TRPV3: variants seen among roughly 807,000 people sequenced by gnomAD.
TRPV3 encodes the protein VRL-3.
TRPV3 carries 88 observed loss-of-function variants against 87.1 expected under a neutral mutation model. The observed-to-expected ratio is 1.01, with a 90% CI of 0.85 to 1.21. The LOEUF is 1.21. Ranked by LOEUF, TRPV3 falls within the 50% of genes most tolerant of loss-of-function variation. The pLI is 0.00. For missense variants in TRPV3, 1,054 were observed against 1,030.1 expected, an observed-to-expected ratio of 1.02 and a Z score of -0.32; for synonymous variants, 438 against 423.3, an observed-to-expected ratio of 1.03 and a Z score of -0.43.
intron 11 of TRPV3, among the ~76,000 whole-genome samples, chr17:3,527,429 T>C (rs1044241951): frequency 6.6e-6 from 1 of 152,204 alleles, no homozygotes; most frequent in Non-Finnish European, 1.5e-5. Context: ...TTAGGGTCTT[T>C]TTCGGTCTAT....
Position 3,535,688 on chromosome 17 carries a change from G to A in TRPV3, c.669C>T (p.Ile223=). 1 of 1,581,062 alleles carries A rather than the reference G, an allele frequency of 6.3e-7. No homozygotes were observed. The highest frequency in any genetic ancestry group is 1.4e-5 in the African/African-American group (1 of 73,382). ...CTGCGATGTCCCCCTGCCGCCGCTC[G>A]ATGGCGATGTTCAGCGCCGTCTGCC... The part of the protein sequence containing the change: ...YEGQTALNIA[I]ERRQGDIAAL... Residue 223 remains isoleucine (I), a synonymous_variant, in exon 7 of 18, where the codon ATC becomes ATT. Transcript: ENST00000576742.
At chr17:3,527,562 T>C in intron 11 of TRPV3, 1 of 229,076 alleles carries the variant, frequency 4.4e-6, no homozygotes, top group South Asian at 5.7e-5. Flanking sequence ...GGTGCTCAGA[T>C]TATATGTGTT....
intron 2 of TRPV3, among the ~76,000 whole-genome samples, chr17:3,550,233 C>T (rs2150806795): frequency 6.6e-6 from 1 of 152,244 alleles, no homozygotes; most frequent in African/African-American, 2.4e-5. Context: ...AAGCCTCATC[C>T]CCTTCCCAAT....
chr17:3,547,423 C>T (rs559996481), intron 2 of TRPV3, among the ~76,000 whole-genome samples: 2 of 152,208 alleles, frequency 1.3e-5, no homozygotes, highest in South Asian at 2.1e-4. Context: ...GAGTTTGAGA[C>T]CAGCCTCGCC....
chr17:3,523,875 G>A (rs2074269066), intron 13 of TRPV3, among the ~76,000 whole-genome samples: 1 of 150,210 alleles, frequency 6.7e-6, no homozygotes, highest in Admixed American at 6.6e-5. Flanking sequence ...TATATATATG[G>A]AATATACATA....
At chr17:3,548,595 G>T (rs1056050928) in intron 2 of TRPV3, among the ~76,000 whole-genome samples, 1 of 152,198 alleles carries the variant, frequency 6.6e-6, no homozygotes, top group Admixed American at 6.5e-5. Flanking sequence ...AACCTAGAAG[G>T]CTCAGCGCTA....
At chr17:3,524,821 A>G (rs58256197) in intron 12 of TRPV3, among the ~76,000 whole-genome samples, 9,085 of 151,192 alleles carry the variant, frequency 0.06, 937 homozygotes, top group African/African-American at 0.21. Flanking sequence ...AAAAAAAAAA[A>G]AAAAGAAAAG....
At chr17:3,525,155 G>A (rs1418685738) in intron 12 of TRPV3, among the ~76,000 whole-genome samples, 5 of 150,556 alleles carry the variant, frequency 3.3e-5, no homozygotes, top group East Asian at 4.1e-4. Context: ...TAGTAGCTGG[G>A]ATTACAGGCA....
chr17:3,538,877 G>A (rs893547280), intron 6 of TRPV3, among the ~76,000 whole-genome samples: 2 of 152,186 alleles, frequency 1.3e-5, no homozygotes, highest in Non-Finnish European at 2.9e-5. Flanking sequence ...GAGCCACTGC[G>A]CCTGGCCACT....
Position 3,512,326 on chromosome 17 carries a change from C to T in TRPV3, c.*1591G>A, listed in dbSNP as rs5010536. 1 of 1,486 alleles carries T rather than the reference C, an allele frequency of 6.7e-4. No individual in the cohort carries two copies. The highest frequency in any genetic ancestry group is 0.01 in the Non-Finnish European group (1 of 100). The allele number at this position is 1,486 out of a possible 1,614,324, so 0.1% of individuals were successfully genotyped here. On this transcript the variant is annotated 3_prime_UTR_variant, in exon 18 of 18. Transcript: ENST00000576742. The stretch of plus-strand genomic sequence containing the variant: ...GGGGCTGCTGTGGATTGTGAAGCCT[C>T]ACACACCCCAGCCCACCTCTCCCCA...
intron 6 of TRPV3, among the ~76,000 whole-genome samples, chr17:3,536,370 C>T (rs1051521347): frequency 6.6e-6 from 1 of 152,158 alleles, no homozygotes; most frequent in Non-Finnish European, 1.5e-5. Flanking sequence ...AGGTGGATCA[C>T]CTGAGGTCAG....
Position 3,518,497 on chromosome 17 carries a change from G to C in TRPV3, c.2085+79C>G, listed in dbSNP as rs1369508404. Reference sequence around the variant, plus strand: ...CTCAGGCCCCACCTCAGACCCACTGGTGCTGACAGTAGTCAATGACCACGT... The same window carrying C: ...CTCAGGCCCCACCTCAGACCCACTGCTGCTGACAGTAGTCAATGACCACGT... On this transcript the variant is annotated intron_variant, in intron 15 of 17. Transcript: ENST00000576742. This position sits in a 1 kb window ranked among gnomAD's most constrained non-coding sequence, Gnocchi z 4.3. The C allele has an allele frequency of 6.1e-6, 9 of 1,464,578 alleles. No individual in the cohort carries two copies. The highest frequency in any genetic ancestry group is 1.4e-5 in the African/African-American group (1 of 71,052). 90.7% of individuals were successfully genotyped at this position (1,464,578 alleles called of 1,614,324 possible).
At chr17:3,532,453 T>A (rs2150791755) in intron 8 of TRPV3, among the ~76,000 whole-genome samples, 1 of 152,376 alleles carries the variant, frequency 6.6e-6, no homozygotes, top group East Asian at 1.9e-4. Flanking sequence ...GAGAGTGGGC[T>A]GCATCGCACC....
chr17:3,537,060 TAAAG>T (rs2074414823), intron 6 of TRPV3, among the ~76,000 whole-genome samples: 1 of 152,180 alleles, frequency 6.6e-6, no homozygotes, highest in South Asian at 2.1e-4. Context: ...GCAGAAACCA[TAAAG>T]AAAAGGCTGA....
intron 6 of TRPV3, among the ~76,000 whole-genome samples, chr17:3,540,527 C>T (rs112572628): frequency 1.3e-5 from 2 of 152,324 alleles, no homozygotes; most frequent in African/African-American, 4.8e-5. Context: ...TTCACAGAAA[C>T]ACTAACAACC....
At chr17:3,514,471 G>GCATTTC in intron 17 of TRPV3, 122 bp downstream of exon 17, 4 of 702,816 alleles carry the variant, frequency 5.7e-6, no homozygotes, top group Non-Finnish European at 1.0e-5. Flanking sequence ...GACCTAAGAA[G>GCATTTC]CATTTCCATT....
chr17:3,553,646 CCTGCCA>C (rs368831287), intron 2 of TRPV3: 3 of 152,448 alleles, frequency 2.0e-5, no homozygotes, highest in Admixed American at 2.0e-4. Context: ...ATCAGAATAA[CCTGCCA>C]CTCTTCAGGC....
At position 3,540,092 on chromosome 17, in the gene TRPV3, TAAAC is replaced by T. The variant is rs141485179; in HGVS notation, c.643+2426_643+2429del. ...ATAAATAAATAAATAAATAAATAAA[TAAAC>T]AAAGTCATTGCTCTAAATAAGGTTA... is the stretch of plus-strand genomic sequence containing the variant. On this transcript the variant is annotated intron_variant, in intron 6 of 17. Coordinates refer to ENST00000576742, the MANE Select transcript of TRPV3 (RefSeq NM_145068.4). 3.9e-3 allele frequency among the ~76,000 whole-genome samples: 594 copies of T among 150,872 alleles called. 22 individuals are homozygous for T. In the East Asian group the frequency reaches 0.084, roughly 21 times the overall value.
chr17:3,528,107 G>A lies in TRPV3; in HGVS notation c.1421C>T (p.Ala474Val). The change falls in exon 11 of 18, where the codon GCC (alanine) becomes GTC (valine). Residue 474 changes from alanine (A) to valine (V), a missense_variant. Ala to Val is a moderately conservative substitution (Grantham distance 64, BLOSUM62 0). Coordinates refer to ENST00000576742, the MANE Select transcript of TRPV3 (RefSeq NM_145068.4). This position sits in a 1 kb window ranked among gnomAD's most constrained non-coding sequence, Gnocchi z 4.2. ...CAGCCACCCCATCTTGTGCGTCAGG[G>A]CCAAGGGGTGCGGGATGGCCTGCAG... is the stretch of plus-strand genomic sequence containing the variant. ...REEEAIPHPL[A>V]LTHKMGWLQL... The A allele has an allele frequency of 1.9e-6, 3 of 1,613,358 alleles. No individual in the cohort carries two copies. The highest frequency in any genetic ancestry group is 2.5e-6 in the Non-Finnish European group (3 of 1,179,798).
Sources: gnomAD v4.1 joint callset for allele counts (sites outside exome capture counted in the v4.1 genomes callset) on GRCh38, gnomAD v4.1.1 for gene constraint, Gnocchi (gnomAD v3.1) non-coding constraint, MANE v1.5 for transcripts, NCBI Gene and HGNC (gene_info 2026-07-23, HGNC 2026-07-21) for gene names.